The following CYBRD1 variants were observed in gnomAD, a reference collection of about 807,000 sequenced individuals.
The protein encoded by CYBRD1 is cytochrome b reductase 1, also known as plasma membrane ascorbate-dependent reductase CYBRD1.
Under a neutral mutation model 21.9 loss-of-function variants are expected in CYBRD1, and 14 were observed. The ratio of observed to expected loss-of-function variants is 0.64; its 90% CI spans 0.42 to 1.00. The LOEUF (loss-of-function observed/expected upper bound fraction) is 1.00. Ranked by LOEUF, CYBRD1 falls within the 50% of genes least tolerant of loss-of-function variation. CYBRD1 has a pLI of 0.00. For synonymous variants in CYBRD1, 146 were observed against 136.5 expected, an observed-to-expected ratio of 1.07 and a Z score of -0.48; for missense variants, 328 against 352.5, an observed-to-expected ratio of 0.93 and a Z score of 0.56.
Position 171,557,698 on chromosome 2 carries a change from G to C in CYBRD1, c.*2871G>C, listed in dbSNP as rs1683513767. On this transcript the variant is annotated 3_prime_UTR_variant, in exon 4 of 4. Transcript: ENST00000321348. The stretch of plus-strand genomic sequence containing the variant: ...TAAGGGATATCGACAAGCAGTTTCT[G>C]TTTTCTAAAGGACAAAATACAGAGT... The C allele has an allele frequency of 6.6e-6, 1 of 152,114 alleles. No individual in the cohort carries two copies. Among genetic ancestry groups the C allele is most frequent in the African/African-American group, 2.4e-5 (1 of 41,434 alleles). The allele number at this position is 152,114 out of a possible 1,614,324, so 9.4% of individuals were successfully genotyped here.
At chr2:171,542,654 G>A (rs551645785) in intron 2 of CYBRD1, among the ~76,000 whole-genome samples, 2 of 152,340 alleles carry the variant, frequency 1.3e-5, no homozygotes, top group South Asian at 2.1e-4. Flanking sequence ...TGAGACCAGT[G>A]GATCGCTTAA....
At chr2:171,540,639 T>A (rs889806018) in intron 1 of CYBRD1, among the ~76,000 whole-genome samples, 2 of 152,200 alleles carry the variant, frequency 1.3e-5, no homozygotes, top group Non-Finnish European at 2.9e-5. Context: ...ATTTTGATAC[T>A]TGGTGTTTTC....
In CYBRD1 at chr2:171,541,743, A is replaced by G; in HGVS notation, c.352A>G (p.Ser118Gly). 2 of 1,613,946 alleles carry G rather than the reference A, an allele frequency of 1.2e-6. No homozygotes were observed. Among genetic ancestry groups the G allele is most frequent in the Non-Finnish European group, 1.7e-6 (2 of 1,180,022 alleles). ...HNVNNIANMY[S>G]LHSWVGLIAV... ...TGTTAACAATATAGCCAATATGTAC[A>G]GTCTGCACAGCTGGGTTGGACTGAT... Residue 118 changes from serine (S) to glycine (G), a missense_variant, in exon 2 of 4, where the codon AGT (serine) becomes GGT (glycine). Physicochemically the swap from Ser to Gly is moderately conservative, Grantham distance 56. Transcript: ENST00000321348.
intron 2 of CYBRD1, among the ~76,000 whole-genome samples, chr2:171,543,313 GTGCAGGAC>G (rs1378716276): frequency 3.3e-5 from 5 of 152,176 alleles, no homozygotes; most frequent in African/African-American, 9.7e-5. Flanking sequence ...GTCCTTGTAT[GTGCAGGAC>G]TGAGGTCCCT....
rs60636441 is a variant in CYBRD1, at chr2:171,540,772, C to CTTTTTTTTTTT, written c.194-807_194-797dup. The CTTTTTTTTTTT allele has an allele frequency of 3.3e-4, 36 of 109,904 alleles. 2 individuals carry two copies. The highest frequency in any genetic ancestry group is 5.2e-4 in the African/African-American group (14 of 27,028). The allele number at this position is 109,904 out of a possible 1,614,324, so 6.8% of individuals were successfully genotyped here. On this transcript the variant is annotated intron_variant, in intron 1 of 3. Coordinates refer to ENST00000321348, the MANE Select transcript of CYBRD1 (RefSeq NM_024843.4). ...CTTTCTTTTTCTTATCAAACTAAGA[C>CTTTTTTTTTTT]TTTTTTTTTTTTTTTTGTCTTCCTC...
chr2:171,546,311 A>G (rs1697712373), intron 2 of CYBRD1, among the ~76,000 whole-genome samples: 1 of 152,216 alleles, frequency 6.6e-6, no homozygotes, highest in Non-Finnish European at 1.5e-5. Context: ...TCACAAAATC[A>G]TAAGAATCAA....
chr2:171,553,831 CTG>C (rs1683432561), intron 3 of CYBRD1, among the ~76,000 whole-genome samples: 1 of 152,082 alleles, frequency 6.6e-6, no homozygotes, highest in African/African-American at 2.4e-5. Context: ...TAAGTGATAA[CTG>C]TTACTGGTGG....
At chr2:171,543,355 G>A (rs925901463) in intron 2 of CYBRD1, among the ~76,000 whole-genome samples, 1 of 152,124 alleles carries the variant, frequency 6.6e-6, no homozygotes, top group African/African-American at 2.4e-5. Context: ...CCATCAGCTG[G>A]GGCTGCCCTG....
intron 1 of CYBRD1, among the ~76,000 whole-genome samples, chr2:171,533,845 C>T (rs1697507895): frequency 1.3e-5 from 2 of 148,498 alleles, no homozygotes; most frequent in African/African-American, 5.0e-5. Context: ...ACTGGGACTA[C>T]AGGTGTGAGC....
chr2:171,554,439 T>A, intron 3 of CYBRD1, 85 bp from the exon 4 acceptor site: 2 of 1,371,962 alleles, frequency 1.5e-6, no homozygotes, highest in Non-Finnish European at 2.1e-6. Flanking sequence ...TGTACTAGTG[T>A]GCATTTTGAG....
intron 1 of CYBRD1, among the ~76,000 whole-genome samples, chr2:171,533,272 C>T (rs1697497258): frequency 6.6e-6 from 1 of 152,128 alleles, no homozygotes; most frequent in Admixed American, 6.6e-5. Context: ...GAGGCTGAGG[C>T]ATGAGAATTG....
chr2:171,543,666 A>G (rs1697669804), intron 2 of CYBRD1, among the ~76,000 whole-genome samples: 1 of 151,424 alleles, frequency 6.6e-6, no homozygotes, highest in South Asian at 2.1e-4. Context: ...ATGTTTAAAT[A>G]TTGATTAATT....
chr2:171,522,924 G>C lies in CYBRD1; in HGVS notation c.193+186G>C, dbSNP rs1252620556. On this transcript the variant is annotated intron_variant, in intron 1 of 3. Coordinates refer to ENST00000321348, the MANE Select transcript of CYBRD1 (RefSeq NM_024843.4). The surrounding 1 kb of genome is among the most constrained non-coding windows in gnomAD (Gnocchi z 4.3). ...GAGGGAGGCTGGCTGGCTCTGGGGCGGGACAGAGCTGCGGTTCAGGAGGAT... is the reference window on the plus strand; with the variant it reads ...GAGGGAGGCTGGCTGGCTCTGGGGCCGGACAGAGCTGCGGTTCAGGAGGAT... Among the ~76,000 whole-genome samples, 2 of 151,812 alleles carry C rather than the reference G, an allele frequency of 1.3e-5. No individual in the cohort carries two copies. Among genetic ancestry groups the C allele is most frequent in the Non-Finnish European group, 1.5e-5 (1 of 67,946 alleles).
intron 2 of CYBRD1, among the ~76,000 whole-genome samples, chr2:171,550,428 G>C (rs11675373): frequency 0.6 from 90,665 of 151,862 alleles, 27,650 homozygotes; most frequent in Non-Finnish European, 0.67. Flanking sequence ...AGCACTTCCA[G>C]TACTGACTTA....
chr2:171,525,635 G>A (rs75390684), intron 1 of CYBRD1, among the ~76,000 whole-genome samples: 3 of 152,156 alleles, frequency 2.0e-5, no homozygotes, highest in African/African-American at 4.8e-5. Context: ...CAAAGAACAC[G>A]ATGTATTGGA....
chr2:171,530,278 A>G (rs1320691239), intron 1 of CYBRD1, among the ~76,000 whole-genome samples: 1 of 152,192 alleles, frequency 6.6e-6, no homozygotes, highest in Non-Finnish European at 1.5e-5. Context: ...GTAATTTGTT[A>G]TGGTAGCTCT....
At chr2:171,534,527 A>G (rs1248101404) in intron 1 of CYBRD1, among the ~76,000 whole-genome samples, 1 of 152,240 alleles carries the variant, frequency 6.6e-6, no homozygotes, top group Non-Finnish European at 1.5e-5. Flanking sequence ...TTTAAAAAGC[A>G]TGTAAACAGC....
intron 1 of CYBRD1, among the ~76,000 whole-genome samples, chr2:171,531,010 C>G (rs1697456832): frequency 6.6e-6 from 1 of 151,792 alleles, no homozygotes; most frequent in African/African-American, 2.4e-5. Context: ...CAAAAATTAG[C>G]CAGGCGTGCT....
Position 171,554,563 on chromosome 2 carries a change from T to G in CYBRD1, c.597T>G (p.Val199=). The change falls in exon 4 of 4, where the codon GTT becomes GTG. Residue 199 remains valine (V), a synonymous_variant. Coordinates refer to ENST00000321348, the MANE Select transcript of CYBRD1 (RefSeq NM_024843.4). ...PAYSTFPPEG[V]FVNTLGLLIL... ...ACAGTACATTCCCGCCAGAAGGTGTTTTCGTAAATACGCTTGGCCTTCTGA... is the reference window on the plus strand; with the variant it reads ...ACAGTACATTCCCGCCAGAAGGTGTGTTCGTAAATACGCTTGGCCTTCTGA... The G allele has an allele frequency of 6.2e-7, 1 of 1,613,650 alleles. No homozygotes were observed. Among genetic ancestry groups the G allele is most frequent in the Non-Finnish European group, 8.5e-7 (1 of 1,179,744 alleles).
Sources: gnomAD v4.1 joint callset for allele counts (sites outside exome capture counted in the v4.1 genomes callset) on GRCh38, gnomAD v4.1.1 for gene constraint, Gnocchi (gnomAD v3.1) non-coding constraint, MANE v1.5 for transcripts, NCBI Gene and HGNC (gene_info 2026-07-23, HGNC 2026-07-21) for gene names.